Variants in ARNT2 observed in about 807,000 individuals in gnomAD.
The protein encoded by ARNT2 is ARNT protein 2.
A neutral mutation model predicts 91.7 loss-of-function variants in ARNT2; 36 were observed. That is an observed-to-expected ratio of 0.39 (90% CI 0.30 to 0.52). The LOEUF (loss-of-function observed/expected upper bound fraction) is 0.52, where lower values mean the gene tolerates loss of function less well. ARNT2 is among the 20% of genes least tolerant of loss of function. The probability of loss-of-function intolerance (pLI) is 0.72; values close to 1 mark genes in which losing one functional copy is unlikely to be tolerated. For missense variants in ARNT2, 775 were observed against 939.3 expected (o/e 0.83, Z 2.29); for synonymous variants, 365 against 347.1 (o/e 1.05, Z -0.57).
chr15:80,569,615 C>G (rs1898550907), intron 12 of ARNT2, among the ~76,000 whole-genome samples: 1 of 152,184 alleles, frequency 6.6e-6, no homozygotes, highest in Admixed American at 6.5e-5. Context: ...CAGTTAGGGT[C>G]CTGGGGATTT....
Position 80,405,230 on chromosome 15 carries a change from C to T in ARNT2, c.31+684C>T, listed in dbSNP as rs183031381. ...GAAATATTTCAAAAATGGAAGAGTT[C>T]TTGATCAAGTGGCAACATTGACTTG... On this transcript the variant is annotated intron_variant, in intron 1 of 18. Coordinates refer to ENST00000303329, the MANE Select transcript of ARNT2 (RefSeq NM_014862.4). Among the ~76,000 whole-genome samples, 289 of 152,338 alleles carry T rather than the reference C, an allele frequency of 1.9e-3. 1 individual carries two copies. Among genetic ancestry groups the T allele is most frequent in the African/African-American group, 6.8e-3 (281 of 41,580 alleles).
intron 4 of ARNT2, among the ~76,000 whole-genome samples, chr15:80,470,663 T>C (rs1040290439): frequency 2.6e-5 from 4 of 152,222 alleles, no homozygotes; most frequent in African/African-American, 9.6e-5. Context: ...AAAAAATATA[T>C]TGAGCATTTG....
intron 8 of ARNT2, among the ~76,000 whole-genome samples, chr15:80,543,087 A>C: frequency 7.8e-6 from 1 of 127,936 alleles, no homozygotes. Flanking sequence ...ACAGAGCCAG[A>C]CCCGGTCAAA....
chr15:80,415,486 G>A (rs1212970789), intron 1 of ARNT2, among the ~76,000 whole-genome samples: 3 of 152,200 alleles, frequency 2.0e-5, no homozygotes, highest in Admixed American at 2.0e-4. Flanking sequence ...GGAGGCCATT[G>A]AAGTGTGGTG....
chr15:80,542,322 G>C (rs1897921033), intron 8 of ARNT2, among the ~76,000 whole-genome samples: 1 of 152,140 alleles, frequency 6.6e-6, no homozygotes, highest in Non-Finnish European at 1.5e-5. Flanking sequence ...TGTGCTTAAA[G>C]GACTGGTATC....
At chr15:80,485,533 T>A (rs764053246) in intron 5 of ARNT2, among the ~76,000 whole-genome samples, 5 of 152,032 alleles carry the variant, frequency 3.3e-5, no homozygotes, top group Admixed American at 1.3e-4. Flanking sequence ...TGGTAGGTGT[T>A]GTGGAGGAAA....
chr15:80,426,058 C>CGAAAAGAAAA lies in ARNT2; in HGVS notation c.31+21532_31+21541dup, dbSNP rs142134604. On this transcript the variant is annotated intron_variant, in intron 1 of 18. Coordinates refer to ENST00000303329, the MANE Select transcript of ARNT2 (RefSeq NM_014862.4). ...CATGGGCAACAGAGGAAGACTGTCT[C>CGAAAAGAAAA]GAAAAGAAAAGAAAAGAAAAGAAAA... Among the ~76,000 whole-genome samples the CGAAAAGAAAA allele has an allele frequency of 1.6e-3, 240 of 149,772 alleles. 2 individuals carry two copies. Among genetic ancestry groups the CGAAAAGAAAA allele is most frequent in the African/African-American group, 2.2e-3 (87 of 40,378 alleles).
chr15:80,404,776 C>A lies in ARNT2; in HGVS notation c.31+230C>A, dbSNP rs554749981. 6.6e-6 allele frequency among the ~76,000 whole-genome samples: 1 copy of A among 152,186 alleles called. No individual in the cohort carries two copies. The highest frequency in any genetic ancestry group is 1.9e-4 in the East Asian group (1 of 5,146). ...GCAGGCGCCGGTCCGGACCCGCGGGCGGCCGGACGCTGGCCTCGCATCCTC... is the reference window on the plus strand; with the variant it reads ...GCAGGCGCCGGTCCGGACCCGCGGGAGGCCGGACGCTGGCCTCGCATCCTC... On this transcript the variant is annotated intron_variant, in intron 1 of 18. Transcript: ENST00000303329. This position sits in a 1 kb window ranked among gnomAD's most constrained non-coding sequence, Gnocchi z 5.5.
intron 17 of ARNT2, among the ~76,000 whole-genome samples, chr15:80,586,796 G>GCACCA (rs1596026907): frequency 6.8e-6 from 1 of 147,672 alleles, no homozygotes; most frequent in African/African-American, 2.6e-5. Context: ...AGCCGAGATT[G>GCACCA]CACCACTGCA....
chr15:80,500,540 G>A (rs1015196695), intron 5 of ARNT2, among the ~76,000 whole-genome samples: 1 of 152,150 alleles, frequency 6.6e-6, no homozygotes, highest in East Asian at 1.9e-4. Flanking sequence ...GCCTTCTTTT[G>A]TGATCTTATC....
chr15:80,550,159 A>G (rs1898058747), intron 8 of ARNT2, among the ~76,000 whole-genome samples: 1 of 152,260 alleles, frequency 6.6e-6, no homozygotes. Flanking sequence ...GTGTACATGT[A>G]TCTGCACATT....
chr15:80,481,627 C>T lies in ARNT2; in HGVS notation c.622+6404C>T, dbSNP rs139167040. The stretch of plus-strand genomic sequence containing the variant: ...ACTCAGGAGGCTGAAGTGGGAGGAT[C>T]GCTTGAGCCCAAGAGGTCCAGGTTG... On this transcript the variant is annotated intron_variant, in intron 5 of 18. Transcript: ENST00000303329. Among the ~76,000 whole-genome samples, 1,125 of 152,238 alleles carry T rather than the reference C, an allele frequency of 7.4e-3. 9 individuals carry two copies. Among genetic ancestry groups the T allele is most frequent in the Middle Eastern group, 0.027 (8 of 294 alleles).
At chr15:80,414,568 A>G (rs1380161339) in intron 1 of ARNT2, among the ~76,000 whole-genome samples, 1 of 152,232 alleles carries the variant, frequency 6.6e-6, no homozygotes, top group Non-Finnish European at 1.5e-5. Flanking sequence ...AGTTAATTTA[A>G]ATGTGAAATA....
At chr15:80,519,089 G>A (rs1016143492) in intron 8 of ARNT2, among the ~76,000 whole-genome samples, 6 of 152,112 alleles carry the variant, frequency 3.9e-5, no homozygotes, top group African/African-American at 4.8e-5. Context: ...CATTCAACAC[G>A]TATTTGTTGA....
chr15:80,519,786 C>G (rs1418028840), intron 8 of ARNT2, among the ~76,000 whole-genome samples: 1 of 149,194 alleles, frequency 6.7e-6, no homozygotes, highest in Non-Finnish European at 1.5e-5. Flanking sequence ...CCTGGGTTCA[C>G]GCCATTCTCC....
intron 15 of ARNT2, 147 bp from the exon 16 acceptor site, chr15:80,580,264 C>T (rs560294571): frequency 1.8e-5 from 19 of 1,059,392 alleles, no homozygotes; most frequent in Middle Eastern, 3.1e-4. Context: ...TTGAGGCTCA[C>T]GATGTGTGAG....
intron 8 of ARNT2, among the ~76,000 whole-genome samples, chr15:80,518,082 G>A (rs1897470700): frequency 6.6e-6 from 1 of 151,934 alleles, no homozygotes; most frequent in Non-Finnish European, 1.5e-5. Flanking sequence ...ATCCAGACAT[G>A]TTGTATCAGA....
intron 5 of ARNT2, among the ~76,000 whole-genome samples, chr15:80,476,616 T>C (rs1896806433): frequency 6.6e-6 from 1 of 152,202 alleles, no homozygotes; most frequent in Admixed American, 6.5e-5. Flanking sequence ...GCTTTGCCCA[T>C]AGTAGGCCTT....
At chr15:80,508,991 A>G (rs1897308224) in intron 6 of ARNT2, among the ~76,000 whole-genome samples, 1 of 152,196 alleles carries the variant, frequency 6.6e-6, no homozygotes, top group African/African-American at 2.4e-5. Flanking sequence ...TGGGAGGTGC[A>G]GGACAGAGAA....
Sources: allele counts gnomAD v4.1 joint callset (sites outside exome capture counted in the v4.1 genomes callset), GRCh38; gene constraint gnomAD v4.1.1; non-coding constraint Gnocchi (gnomAD v3.1); transcripts MANE v1.5; gene names NCBI Gene and HGNC (gene_info 2026-07-23, HGNC 2026-07-21).